The following ZNF697 variants were observed in gnomAD, a reference collection of about 807,000 sequenced individuals.
ZNF697 encodes zinc finger protein 697.
ZNF697 carries 23 observed loss-of-function variants against 32.4 expected under a neutral mutation model. That is an observed-to-expected ratio of 0.71 (90% CI 0.51 to 1.01). The LOEUF is 1.01. ZNF697 is among the 50% of genes least tolerant of loss of function. The probability of loss-of-function intolerance (pLI) is 0.00; values close to 1 mark genes in which losing one functional copy is unlikely to be tolerated. For synonymous variants in ZNF697, 418 were observed against 337.2 expected, an observed-to-expected ratio of 1.24 and a Z score of -2.62; for missense variants, 930 against 794.0, an observed-to-expected ratio of 1.17 and a Z score of -2.06.
intron 1 of ZNF697, among the ~76,000 whole-genome samples, chr1:119,641,442 A>T (rs1245729212): frequency 3.3e-5 from 5 of 152,222 alleles, no homozygotes; most frequent in African/African-American, 1.2e-4. Flanking sequence ...TTTGCAAAAA[A>T]ATATATATGA....
intron 1 of ZNF697, among the ~76,000 whole-genome samples, chr1:119,630,841 G>A (rs1390519341): frequency 1.3e-5 from 2 of 152,050 alleles, no homozygotes; most frequent in East Asian, 1.9e-4. Context: ...CCGCACTCCA[G>A]CCTGAGAAAC....
At position 119,622,954 on chromosome 1, in the gene ZNF697, C is replaced by G. The variant is rs1648395426; in HGVS notation, c.1389G>C (p.Lys463Asn). Reference sequence around the variant, plus strand: ...TCTCGCACTGGCCACAGCGGAAGGGCTTCTCGCCGGTGTGCACGCGCAGGT... The same window carrying G: ...TCTCGCACTGGCCACAGCGGAAGGGGTTCTCGCCGGTGTGCACGCGCAGGT... ...VNHLRVHTGE[K>N]PFRCGQCEKR... Residue 463 changes from lysine (K) to asparagine (N), a missense_variant, in exon 3 of 3, where the codon AAG becomes AAC. Lys to Asn is a moderately conservative substitution (Grantham distance 94). Transcript: ENST00000421812. 1 of 1,603,914 alleles carries G rather than the reference C, an allele frequency of 6.2e-7. No homozygotes were observed. Among genetic ancestry groups the G allele is most frequent in the Non-Finnish European group, 8.5e-7 (1 of 1,174,534 alleles).
chr1:119,637,566 C>T (rs368634970), intron 1 of ZNF697, among the ~76,000 whole-genome samples: 6 of 152,308 alleles, frequency 3.9e-5, no homozygotes, highest in South Asian at 2.1e-4. Flanking sequence ...TCTCCCAACC[C>T]GCTCTGTCAT....
chr1:119,646,310 A>G (rs1400135551), intron 1 of ZNF697, among the ~76,000 whole-genome samples: 1 of 121,576 alleles, frequency 8.2e-6, no homozygotes, highest in East Asian at 2.3e-4. Flanking sequence ...CTTAACAACA[A>G]CCCCCACTTC....
At chr1:119,641,425 G>C (rs780462070) in intron 1 of ZNF697, among the ~76,000 whole-genome samples, 3 of 152,022 alleles carry the variant, frequency 2.0e-5, no homozygotes, top group Non-Finnish European at 2.9e-5. Context: ...CAGGTGGGGA[G>C]AAAATGTTTG....
rs143217641 is a variant in ZNF697 at position 119,627,325 on chromosome 1, TC to T, written c.-37-1189del. Among the ~76,000 whole-genome samples the T allele has an allele frequency of 5.5e-3, 830 of 152,242 alleles. 5 individuals carry two copies. The highest frequency in any genetic ancestry group is 0.031 in the Middle Eastern group (9 of 294). On this transcript the variant is annotated intron_variant, in intron 1 of 2. Coordinates refer to ENST00000421812, the MANE Select transcript of ZNF697 (RefSeq NM_001080470.2). ...AGCCTTTGGAATGGTAAGCTGGAGT[TC>T]CAGGCAGCGCAAGTTGGAAATTCCA...
chr1:119,639,742 G>A (rs1463401231), intron 1 of ZNF697, among the ~76,000 whole-genome samples: 4 of 150,886 alleles, frequency 2.7e-5, no homozygotes, highest in South Asian at 4.2e-4. Context: ...GCCAGAAGTG[G>A]TGGCATACAC....
Position 119,622,365 on chromosome 1 carries a change from A to C in ZNF697, c.*340T>G. 3.9e-6 allele frequency: 1 copy of C among 253,542 alleles called. No individual in the cohort carries two copies. Among genetic ancestry groups the C allele is most frequent in the Non-Finnish European group, 7.5e-6 (1 of 134,176 alleles). The allele number at this position is 253,542 out of a possible 1,614,324, so 15.7% of individuals were successfully genotyped here. A position where few individuals can be genotyped will look rare whatever the true frequency, so the allele number is the denominator to read the frequency against. On this transcript the variant is annotated 3_prime_UTR_variant, in exon 3 of 3. Coordinates refer to ENST00000421812, the MANE Select transcript of ZNF697 (RefSeq NM_001080470.2). Reference sequence around the variant, plus strand: ...AGGCCATCGCGGCCTACCCTAGTCTATTGCCCGCCATCCTGTTCCCACCCC... The same window carrying C: ...AGGCCATCGCGGCCTACCCTAGTCTCTTGCCCGCCATCCTGTTCCCACCCC...
At chr1:119,646,160 T>C (rs1441546583) in intron 1 of ZNF697, among the ~76,000 whole-genome samples, 1 of 152,126 alleles carries the variant, frequency 6.6e-6, no homozygotes, top group African/African-American at 2.4e-5. Flanking sequence ...TACCCCTCTA[T>C]CCCAGTAGTT....
At chr1:119,625,450 C>A (rs1648550087) in intron 2 of ZNF697, among the ~76,000 whole-genome samples, 1 of 152,162 alleles carries the variant, frequency 6.6e-6, no homozygotes, top group African/African-American at 2.4e-5. Context: ...GACTTATCTG[C>A]AAAGGGAGAT....
chr1:119,624,722 G>A (rs1441439044), intron 2 of ZNF697, among the ~76,000 whole-genome samples: 1 of 152,110 alleles, frequency 6.6e-6, no homozygotes, highest in African/African-American at 2.4e-5. Context: ...AGCCTCCTGA[G>A]TAGCTGGGAT....
In ZNF697 at chr1:119,630,404, G is replaced by A. The variant is rs587666097; in HGVS notation, c.-37-4267C>T. Among the ~76,000 whole-genome samples, 11 of 152,296 alleles carry A rather than the reference G, an allele frequency of 7.2e-5. No individual in the cohort carries two copies. The South Asian group carries it at 8.3e-4, about 11-fold the overall frequency. On this transcript the variant is annotated intron_variant, in intron 1 of 2. Coordinates refer to ENST00000421812, the MANE Select transcript of ZNF697 (RefSeq NM_001080470.2). The stretch of plus-strand genomic sequence containing the variant: ...CCACCATCACAAAACCTTTTTCTTG[G>A]ATGCAGATCACTTCAAGGTGGGATT...
intron 1 of ZNF697, among the ~76,000 whole-genome samples, chr1:119,645,129 G>A (rs587757618): frequency 2.6e-5 from 4 of 152,282 alleles, no homozygotes; most frequent in African/African-American, 9.6e-5. Flanking sequence ...GAATGTCCTT[G>A]TACTAGACAC....
At chr1:119,647,034 C>T (rs898670802) in intron 1 of ZNF697, among the ~76,000 whole-genome samples, 8 of 150,928 alleles carry the variant, frequency 5.3e-5, no homozygotes, top group African/African-American at 2.0e-4. Flanking sequence ...TCAATTCAGC[C>T]CAGGGTTCAT....
At chr1:119,644,171 G>A (rs1055320484) in intron 1 of ZNF697, among the ~76,000 whole-genome samples, 1 of 152,206 alleles carries the variant, frequency 6.6e-6, no homozygotes, top group Non-Finnish European at 1.5e-5. Context: ...GGCTGAGGGT[G>A]GCCTGGTGTA....
chr1:119,631,394 G>C (rs431441), intron 1 of ZNF697, among the ~76,000 whole-genome samples: 107,403 of 152,198 alleles, frequency 0.71, 38,233 homozygotes, highest in East Asian at 0.91. Context: ...GCCAGGGAAG[G>C]TGAACCCCAG....
chr1:119,630,657 A>C (rs949538187), intron 1 of ZNF697, among the ~76,000 whole-genome samples: 2 of 152,208 alleles, frequency 1.3e-5, no homozygotes, highest in Non-Finnish European at 2.9e-5. Flanking sequence ...AAAGAGAAAA[A>C]GACTCCAGCC....
rs587621208 is a variant in ZNF697, at chr1:119,623,693, G to T, written c.650C>A (p.Ala217Asp). 1.6e-5 allele frequency: 25 copies of T among 1,520,890 alleles called. No homozygotes were observed. The South Asian group carries it at 2.9e-4, about 17-fold the overall frequency. The allele number at this position is 1,520,890 out of a possible 1,614,324, so 94.2% of individuals were successfully genotyped here. A position where few individuals can be genotyped will look rare whatever the true frequency, so the allele number is the denominator to read the frequency against. Reference sequence around the variant, plus strand: ...GAAGGGCTCCAGGCTGGCGGCGGCAGCGGCCTCAGCCAGGCGGTGAATGCG... The same window carrying T: ...GAAGGGCTCCAGGCTGGCGGCGGCATCGGCCTCAGCCAGGCGGTGAATGCG... ...HQRIHRLAEAAAAASLEPFGL... is the reference protein window; with the variant it reads ...HQRIHRLAEADAAASLEPFGL... The change falls in exon 3 of 3, where the codon GCT becomes GAT. Residue 217 changes from alanine to aspartate, a missense_variant. Ala to Asp is a moderately radical substitution (Grantham distance 126). Coordinates refer to ENST00000421812, the MANE Select transcript of ZNF697 (RefSeq NM_001080470.2).
At chr1:119,635,419 T>C (rs587741661) in intron 1 of ZNF697, among the ~76,000 whole-genome samples, 1 of 152,350 alleles carries the variant, frequency 6.6e-6, no homozygotes, top group South Asian at 2.1e-4. Flanking sequence ...ATGTTCAAAA[T>C]AGAATCAGAT....
Sources: gnomAD v4.1 joint callset for allele counts (sites outside exome capture counted in the v4.1 genomes callset) on GRCh38, gnomAD v4.1.1 for gene constraint, MANE v1.5 for transcripts, NCBI Gene and HGNC (gene_info 2026-07-23, HGNC 2026-07-21) for gene names.